Variants in USP14 observed in about 807,000 individuals in gnomAD.
The protein encoded by USP14 is ubiquitin carboxyl-terminal hydrolase 14.
USP14 carries 38 observed loss-of-function variants against 76.5 expected under a neutral mutation model. That is an observed-to-expected ratio of 0.50 (90% confidence interval 0.38 to 0.65). The LOEUF is 0.65. Among genes scored for constraint, USP14 ranks in the 30% least tolerant of loss-of-function variants. The pLI is 0.00. For synonymous variants in USP14, 192 were observed against 191.7 expected (o/e 1.00, Z -0.01); for missense variants, 467 against 586.5 (o/e 0.80, Z 2.10).
rs111884175 is a variant in USP14, at chr18:168,011, C to T, written c.195+1192C>T. Among the ~76,000 whole-genome samples the T allele has an allele frequency of 4.6e-3, 673 of 145,966 alleles. 2 individuals carry two copies. The highest frequency in any genetic ancestry group is 0.016 in the African/African-American group (641 of 39,386). ...AGAGTGCAATGGCGCGATCTCGGCT[C>T]GCTGCAACCTCTGCCTCCCGGGTTA... On this transcript the variant is annotated intron_variant, in intron 3 of 15. Transcript: ENST00000261601.
At position 163,560 on chromosome 18, in the gene USP14, TA is replaced by T. The variant is rs1408534606; in HGVS notation, c.162+108del. On this transcript the variant is annotated intron_variant, in intron 2 of 15. Coordinates refer to ENST00000261601, the MANE Select transcript of USP14 (RefSeq NM_005151.4). ...AATGTAGCATTTGAAGTGCTTTTTT[TA>T]TATGATGAGAGTATGTCAGCTATGG... 3.6e-5 allele frequency: 46 copies of T among 1,281,758 alleles called. No individual in the cohort carries two copies. In the Admixed American group the frequency reaches 5.0e-4, roughly 14 times the overall value. 79.4% of individuals were successfully genotyped at this position (1,281,758 alleles called of 1,614,324 possible).
chr18:193,464 A>G (rs1209363383), intron 6 of USP14, among the ~76,000 whole-genome samples: 1 of 152,196 alleles, frequency 6.6e-6, no homozygotes, highest in Non-Finnish European at 1.5e-5. Flanking sequence ...ATATCATAAA[A>G]TCTGCCCATT....
intron 15 of USP14, 114 bp from the exon 16 acceptor site, chr18:211,019 G>A (rs548108414): frequency 1.3e-4 from 135 of 1,074,804 alleles, no homozygotes; most frequent in Admixed American, 6.0e-4. Context: ...GAGGACTGTT[G>A]GTGTGGCCAG....
At chr18:206,094 A>G (rs1015896284) in intron 13 of USP14, among the ~76,000 whole-genome samples, 5 of 152,228 alleles carry the variant, frequency 3.3e-5, no homozygotes, top group African/African-American at 1.2e-4. Flanking sequence ...CAGTTGTTAG[A>G]TTGCATGGTA....
intron 3 of USP14, among the ~76,000 whole-genome samples, chr18:176,996 TG>T (rs1323550095): frequency 6.6e-6 from 1 of 152,172 alleles, no homozygotes; most frequent in African/African-American, 2.4e-5. Context: ...TGCAAGGTTT[TG>T]TAAAGGAATT....
intron 15 of USP14, 32 bp downstream of exon 15, chr18:210,525 ATTATT>A (rs1321196938): frequency 6.9e-7 from 1 of 1,447,112 alleles, no homozygotes; most frequent in Non-Finnish European, 9.5e-7. Flanking sequence ...ACTGTTCAAT[ATTATT>A]TTAACAGTTC....
intron 1 of USP14, among the ~76,000 whole-genome samples, chr18:162,589 ACTAT>A (rs1449732481): frequency 2.0e-5 from 3 of 152,060 alleles, no homozygotes; most frequent in South Asian, 2.1e-4. Context: ...CTTCTCTTAA[ACTAT>A]CTAACCTTTC....
In USP14 at chr18:158,608, G is replaced by A; in HGVS notation, c.-91G>A. The A allele has an allele frequency of 7.1e-7, 1 of 1,413,558 alleles. No homozygotes were observed. The highest frequency in any genetic ancestry group is 9.5e-7 in the Non-Finnish European group (1 of 1,056,628). The allele number at this position is 1,413,558 out of a possible 1,614,324, so 87.6% of individuals were successfully genotyped here. A position where few individuals can be genotyped will look rare whatever the true frequency, so the allele number is the denominator to read the frequency against. On this transcript the variant is annotated 5_prime_UTR_variant, in exon 1 of 16. Transcript: ENST00000261601. ...CCGCCACCACCGCGCCTCCGCCTCG[G>A]CCGCCGCCGCAGCTGCTCCTGGTCC...
Position 161,390 on chromosome 18 carries a change from G to C in USP14, c.17-1918G>C, listed in dbSNP as rs1598260420. Among the ~76,000 whole-genome samples the C allele has an allele frequency of 2.0e-5, 3 of 152,176 alleles. No homozygotes were observed. In the South Asian group the frequency reaches 6.2e-4, roughly 32 times the overall value. On this transcript the variant is annotated intron_variant, in intron 1 of 15. Coordinates refer to ENST00000261601, the MANE Select transcript of USP14 (RefSeq NM_005151.4). ...GTGGAATGTTTTCCTTCTTTTCTGG[G>C]AATTCTTCTGTCCTCTCCTAGTCTC...
At chr18:177,386 C>T (rs1465075460) in intron 3 of USP14, among the ~76,000 whole-genome samples, 3 of 146,990 alleles carry the variant, frequency 2.0e-5, no homozygotes, top group Non-Finnish European at 1.5e-5. Context: ...TGTGCCACTG[C>T]ACTCCTGCCT....
At chr18:164,291 T>C (rs1231474259) in intron 2 of USP14, among the ~76,000 whole-genome samples, 2 of 152,200 alleles carry the variant, frequency 1.3e-5, no homozygotes, top group Non-Finnish European at 2.9e-5. Flanking sequence ...TACAGATAGG[T>C]TTGTTTTCTT....
chr18:195,736 G>C (rs1180524822), intron 6 of USP14, among the ~76,000 whole-genome samples: 1 of 152,184 alleles, frequency 6.6e-6, no homozygotes, highest in Non-Finnish European at 1.5e-5. Context: ...TAGGTTTAAA[G>C]GGAGGTAAGT....
rs975682192 is a variant in USP14, at chr18:166,725, T to A, written c.163-62T>A. On this transcript the variant is annotated intron_variant, in intron 2 of 15. Coordinates refer to ENST00000261601, the MANE Select transcript of USP14 (RefSeq NM_005151.4). ...TTGAAGTACATTAAAATAAATTGAT[T>A]ATTAGATTGTGTTCAGCTTGTACAG... 2.7e-6 allele frequency: 4 copies of A among 1,460,408 alleles called. No individual in the cohort carries two copies. The South Asian group carries it at 3.6e-5, about 13-fold the overall frequency. The allele number at this position is 1,460,408 out of a possible 1,614,324, so 90.5% of individuals were successfully genotyped here. A position where few individuals can be genotyped will look rare whatever the true frequency, so the allele number is the denominator to read the frequency against.
rs772289272 is a variant in USP14, at chr18:163,490, A to G, written c.162+37A>G. 3.2e-6 allele frequency: 5 copies of G among 1,557,444 alleles called. No individual in the cohort carries two copies. The Admixed American group carries it at 6.3e-5, about 20-fold the overall frequency. On this transcript the variant is annotated intron_variant, in intron 2 of 15. Coordinates refer to ENST00000261601, the MANE Select transcript of USP14 (RefSeq NM_005151.4). ...TCCAAATTTTCATCACATTACTATTATTGTATACTTTTTGAAAAATAACGC... is the reference window on the plus strand; with the variant it reads ...TCCAAATTTTCATCACATTACTATTGTTGTATACTTTTTGAAAAATAACGC...
intron 1 of USP14, among the ~76,000 whole-genome samples, chr18:162,078 CT>C (rs1182035085): frequency 1.3e-5 from 2 of 152,064 alleles, no homozygotes; most frequent in South Asian, 2.1e-4. Flanking sequence ...AGTTTCTTTC[CT>C]TTTTAAGGTT....
intron 13 of USP14, among the ~76,000 whole-genome samples, chr18:208,777 GC>G (rs1197770487): frequency 1.3e-5 from 2 of 152,080 alleles, no homozygotes; most frequent in African/African-American, 4.8e-5. Context: ...ACTGAGTCTT[GC>G]TCTGTCGCCC....
intron 10 of USP14, 60 bp downstream of exon 10, chr18:199,376 A>T: frequency 8.1e-7 from 1 of 1,230,116 alleles, no homozygotes; most frequent in South Asian, 1.3e-5. Flanking sequence ...GAGTAAGCCA[A>T]AGTCATTATT....
chr18:166,907 A>G, intron 3 of USP14, 88 bp downstream of exon 3: 2 of 1,190,258 alleles, frequency 1.7e-6, no homozygotes, highest in Non-Finnish European at 2.4e-6. Context: ...TTTCATGTGT[A>G]TATCCAGTTG....
chr18:192,545 A>ACTT (rs924857306), intron 5 of USP14, among the ~76,000 whole-genome samples: 4 of 152,324 alleles, frequency 2.6e-5, no homozygotes, highest in African/African-American at 9.6e-5. Context: ...AACCTGGGCG[A>ACTT]CAAGAGCAAA....
Sources: gnomAD v4.1 joint callset for allele counts (sites outside exome capture counted in the v4.1 genomes callset) on GRCh38, gnomAD v4.1.1 for gene constraint, MANE v1.5 for transcripts, NCBI Gene and HGNC (gene_info 2026-07-23, HGNC 2026-07-21) for gene names.